The following STPG1 variants were observed in gnomAD, a reference collection of about 807,000 sequenced individuals.
STPG1 encodes the protein O(6)-methylguanine-induced apoptosis 2.
STPG1 carries 33 observed loss-of-function variants against 40.1 expected under a neutral mutation model. The ratio of observed to expected loss-of-function variants is 0.82; its 90% CI spans 0.62 to 1.10. The LOEUF is 1.10. Ranked by LOEUF, STPG1 falls within the 50% of genes least tolerant of loss-of-function variation. The pLI, the probability that STPG1 is intolerant of heterozygous loss-of-function variation, is 0.00. For synonymous variants in STPG1, 150 were observed against 155.0 expected (o/e 0.97, Z 0.24); for missense variants, 396 against 415.1 (o/e 0.95, Z 0.40).
chr1:24,391,496 C>T (rs1642769536), intron 3 of STPG1, 65 bp downstream of exon 3: 11 of 1,022,056 alleles, frequency 1.1e-5, no homozygotes, highest in Non-Finnish European at 1.0e-5. Flanking sequence ...CCAGACAGAA[C>T]GTGCCTGTCC....
intron 2 of STPG1, among the ~76,000 whole-genome samples, chr1:24,396,347 T>C (rs1284327993): frequency 6.6e-6 from 1 of 152,184 alleles, no homozygotes; most frequent in Non-Finnish European, 1.5e-5. Context: ...TCTTGCTCTG[T>C]TGCCCAGGTT....
In STPG1 at chr1:24,361,034, G is replaced by T. The variant is rs778622982; in HGVS notation, c.745C>A (p.Pro249Thr). Residue 249 changes from proline to threonine, a missense_variant, in exon 8 of 9, where the codon CCC (proline) becomes ACC (threonine). Physicochemically the swap from Pro to Thr is conservative, Grantham distance 38. Transcript: ENST00000337248. ...GGCTGAGCAGAGAAGTTCAGGATGG[G>T]GTTTTTCCTTTGGGAAAGATAAAAC... ...VPKKTLFPKNPILNFSAQPSP... is the reference protein window; with the variant it reads ...VPKKTLFPKNTILNFSAQPSP... 4.4e-6 allele frequency: 7 copies of T among 1,604,558 alleles called. No homozygotes were observed. The highest frequency in any genetic ancestry group is 5.1e-6 in the Non-Finnish European group (6 of 1,175,156).
At chr1:24,362,292 G>A (rs1477424839) in intron 7 of STPG1, among the ~76,000 whole-genome samples, 1 of 152,230 alleles carries the variant, frequency 6.6e-6, no homozygotes, top group Admixed American at 6.5e-5. Flanking sequence ...GAGAGACAAA[G>A]TAACCGATCC....
At chr1:24,361,385 A>AT (rs1348128308) in intron 7 of STPG1, among the ~76,000 whole-genome samples, 1 of 152,108 alleles carries the variant, frequency 6.6e-6, no homozygotes, top group Non-Finnish European at 1.5e-5. Context: ...CAGGCCGTGT[A>AT]TATCTCATGT....
In STPG1 at chr1:24,358,587, A is replaced by G. The variant is rs1413931520; in HGVS notation, c.961T>C (p.Ser321Pro). ...TYKPELPGKQSFLYNEDKKWI... is the reference protein window; with the variant it reads ...TYKPELPGKQPFLYNEDKKWI... Reference sequence around the variant, plus strand: ...TTCTTGTCCTCGTTGTAGAGGAAGGACTGCTTTCCTGGAAGCTCTGGCTTG... The same window carrying G: ...TTCTTGTCCTCGTTGTAGAGGAAGGGCTGCTTTCCTGGAAGCTCTGGCTTG... The change falls in exon 9 of 9, where the codon TCC (serine) becomes CCC (proline). Residue 321 changes from serine (S) to proline (P), a missense_variant. By Grantham distance (74) the Ser-to-Pro change is moderately conservative (BLOSUM62 -1). Coordinates refer to ENST00000337248, the MANE Select transcript of STPG1 (RefSeq NM_001199013.2). The G allele has an allele frequency of 1.9e-6, 3 of 1,613,904 alleles. No homozygotes were observed. Among genetic ancestry groups the G allele is most frequent in the Admixed American group, 3.3e-5 (2 of 59,978 alleles).
intron 3 of STPG1, among the ~76,000 whole-genome samples, chr1:24,386,966 A>G (rs1642531754): frequency 6.6e-6 from 1 of 152,102 alleles, no homozygotes; most frequent in Admixed American, 6.5e-5. Context: ...AATACACATA[A>G]AGTGGGTGGA....
rs1463341159 is a variant in STPG1 at position 24,384,167 on chromosome 1, G to T, written c.190-164C>A. Among the ~76,000 whole-genome samples, 3 of 152,194 alleles carry T rather than the reference G, an allele frequency of 2.0e-5. No homozygotes were observed. In the South Asian group the frequency reaches 6.2e-4, roughly 32 times the overall value. On this transcript the variant is annotated intron_variant, in intron 3 of 8. Coordinates refer to ENST00000337248, the MANE Select transcript of STPG1 (RefSeq NM_001199013.2). ...AGCTCCACCATTTCCTGACTTGCCC[G>T]ATCTTCGTCTCAGTTACCAAGTGGT...
intron 1 of STPG1, among the ~76,000 whole-genome samples, chr1:24,403,970 T>G (rs1310830316): frequency 6.6e-6 from 1 of 152,184 alleles, no homozygotes; most frequent in East Asian, 1.9e-4. Context: ...GACTAGGGCA[T>G]CCAGTACAAT....
chr1:24,379,580 G>T (rs761503973), intron 5 of STPG1, 73 bp downstream of exon 5: 8 of 1,522,670 alleles, frequency 5.3e-6, no homozygotes, highest in Middle Eastern at 3.8e-4. Flanking sequence ...ATGTCCCCAA[G>T]ATCCCCTCTT....
intron 3 of STPG1, among the ~76,000 whole-genome samples, chr1:24,388,170 C>T (rs940093454): frequency 6.6e-6 from 1 of 152,134 alleles, no homozygotes; most frequent in Non-Finnish European, 1.5e-5. Context: ...CTACCTATTA[C>T]AACATCTTTA....
At chr1:24,388,404 GT>G (rs1216560469) in intron 3 of STPG1, among the ~76,000 whole-genome samples, 2 of 152,188 alleles carry the variant, frequency 1.3e-5, no homozygotes, top group Non-Finnish European at 2.9e-5. Context: ...ACTCGAAAAT[GT>G]TCAGGAAAAC....
intron 3 of STPG1, among the ~76,000 whole-genome samples, chr1:24,390,570 C>T (rs748921863): frequency 3.9e-4 from 59 of 151,988 alleles, no homozygotes; most frequent in Non-Finnish European, 7.5e-4. Flanking sequence ...AGGTGTGCGC[C>T]ACCACTCCCA....
chr1:24,390,775 A>G (rs532972777), intron 3 of STPG1, among the ~76,000 whole-genome samples: 1 of 151,196 alleles, frequency 6.6e-6, no homozygotes, highest in African/African-American at 2.4e-5. Context: ...TTTTTAAAGT[A>G]GGGCAGGGCT....
At chr1:24,391,467 C>T (rs1366496746) in intron 3 of STPG1, 94 bp downstream of exon 3, 2 of 796,532 alleles carry the variant, frequency 2.5e-6, no homozygotes, top group Non-Finnish European at 4.0e-6. Flanking sequence ...CCTCCACTGT[C>T]CACAGAAAGA....
intron 2 of STPG1, among the ~76,000 whole-genome samples, chr1:24,393,592 T>A (rs1469781528): frequency 6.6e-6 from 1 of 152,128 alleles, no homozygotes; most frequent in Admixed American, 6.5e-5. Flanking sequence ...GGAAAGGAGA[T>A]CCAAGGCTTC....
Position 24,364,207 on chromosome 1 carries a change from C to A in STPG1, c.738-3166G>T, listed in dbSNP as rs763952499. On this transcript the variant is annotated intron_variant, in intron 7 of 8. Coordinates refer to ENST00000337248, the MANE Select transcript of STPG1 (RefSeq NM_001199013.2). ...CAGGGAAACTTCTCTCCTCCACCCA[C>A]GCCTGTCTCGCCACCCCCCACCTGA... The A allele has an allele frequency of 3.2e-6, 5 of 1,539,424 alleles. No homozygotes were observed. The East Asian group carries it at 1.2e-4, about 38-fold the overall frequency.
At chr1:24,374,495 G>A (rs1042470200) in intron 5 of STPG1, among the ~76,000 whole-genome samples, 5 of 151,898 alleles carry the variant, frequency 3.3e-5, no homozygotes, top group Admixed American at 1.3e-4. Context: ...TCCTGACCTC[G>A]TGATCCGCCC....
rs146820184 is a variant in STPG1 at position 24,358,019 on chromosome 1, T to G, written c.*524A>C. On this transcript the variant is annotated 3_prime_UTR_variant, in exon 9 of 9. Transcript: ENST00000337248. ...GTGGACTGGTGGAAAAAGCATCACC[T>G]GCCTGCAGGTAGCTTTCGCCCAGTA... is the stretch of plus-strand genomic sequence containing the variant. The G allele has an allele frequency of 2.5e-4, 89 of 356,048 alleles. No individual in the cohort carries two copies. In the East Asian group the frequency reaches 6.3e-3, roughly 25 times the overall value. 22.1% of individuals were successfully genotyped at this position (356,048 alleles called of 1,614,324 possible).
At chr1:24,395,993 A>AAAC (rs1419726879) in intron 2 of STPG1, among the ~76,000 whole-genome samples, 3 of 152,064 alleles carry the variant, frequency 2.0e-5, no homozygotes, top group African/African-American at 7.2e-5. Flanking sequence ...AAAAAAAAAA[A>AAAC]AATTTATGTA....
Sources: allele counts gnomAD v4.1 joint callset (sites outside exome capture counted in the v4.1 genomes callset), GRCh38; gene constraint gnomAD v4.1.1; transcripts MANE v1.5; gene names NCBI Gene and HGNC (gene_info 2026-07-23, HGNC 2026-07-21).